Variants in CHRDL2 observed in about 807,000 individuals in gnomAD.
The protein encoded by CHRDL2 is chordin like 2.
In CHRDL2, 41 loss-of-function variants were observed where a neutral mutation model predicts 54.3. The ratio of observed to expected loss-of-function variants is 0.76; its 90% confidence interval spans 0.59 to 0.98. CHRDL2 has a LOEUF of 0.98. Ranked by LOEUF, CHRDL2 falls within the 50% of genes least tolerant of loss-of-function variation. The probability of loss-of-function intolerance (pLI) is 0.00; values close to 1 mark genes in which losing one functional copy is unlikely to be tolerated. For synonymous variants in CHRDL2, 220 were observed against 224.3 expected, an observed-to-expected ratio of 0.98 and a Z score of 0.17; for missense variants, 518 against 562.4, an observed-to-expected ratio of 0.92 and a Z score of 0.80.
At chr11:74,723,121 T>C (rs991670995) in intron 1 of CHRDL2, among the ~76,000 whole-genome samples, 3 of 152,066 alleles carry the variant, frequency 2.0e-5, no homozygotes, top group Non-Finnish European at 2.9e-5. Flanking sequence ...TGGACCAAGA[T>C]GGAAGCTGTG....
intron 1 of CHRDL2, among the ~76,000 whole-genome samples, chr11:74,729,962 A>AT (rs1311239690): frequency 8.6e-5 from 13 of 152,040 alleles, no homozygotes; most frequent in East Asian, 7.7e-4. Flanking sequence ...TTGGGAACTG[A>AT]TTTTTTTTGG....
In CHRDL2 at chr11:74,703,341, C is replaced by T. The variant is rs144140395; in HGVS notation, c.910G>A (p.Glu304Lys). The T allele has an allele frequency of 1.5e-4, 244 of 1,611,580 alleles. No homozygotes were observed. The African/African-American group carries it at 2.7e-3, about 18-fold the overall frequency. Residue 304 changes from glutamate (E) to lysine (K), a missense_variant, in exon 8 of 11, where the codon GAG becomes AAG. Transcript: ENST00000376332. ...TTGCAGCACTTCCCAGCCACTTTCT[C>T]GGGGTGACGGCAGGGGTACTCGGTG... ...CPTEYPCRHP[E>K]KVAGKCCKIC... is the part of the protein sequence containing the mutation.
At chr11:74,724,848 A>C (rs952076283) in intron 1 of CHRDL2, among the ~76,000 whole-genome samples, 3 of 152,204 alleles carry the variant, frequency 2.0e-5, no homozygotes, top group African/African-American at 7.2e-5. Context: ...CAAGGACCAG[A>C]TCTCATTAAA....
chr11:74,710,624 T>C (rs767115931), intron 4 of CHRDL2, among the ~76,000 whole-genome samples: 2 of 143,764 alleles, frequency 1.4e-5, no homozygotes, highest in Non-Finnish European at 2.9e-5. Flanking sequence ...ATGCAGCGTC[T>C]ACTGGGGGAA....
At chr11:74,697,365 G>A (rs2033635052) in intron 9 of CHRDL2, 68 bp from the exon 10 acceptor site, 1 of 1,171,714 alleles carries the variant, frequency 8.5e-7, no homozygotes, top group African/African-American at 1.5e-5. Context: ...GTGAAACAGG[G>A]TGACTTAGCA....
At chr11:74,720,388 A>G (rs1182944689) in intron 1 of CHRDL2, 2 of 154,014 alleles carry the variant, frequency 1.3e-5, no homozygotes, top group Non-Finnish European at 2.9e-5. Context: ...CCACTTGCCT[A>G]AAGTCCTCCG....
intron 2 of CHRDL2, among the ~76,000 whole-genome samples, chr11:74,715,806 C>T (rs764166623): frequency 1.3e-5 from 2 of 151,314 alleles, no homozygotes; most frequent in South Asian, 2.1e-4. Context: ...TGGTAAAACC[C>T]GTTTCTACTA....
chr11:74,716,344 G>A (rs556714723), intron 2 of CHRDL2, among the ~76,000 whole-genome samples: 9 of 152,074 alleles, frequency 5.9e-5, no homozygotes, highest in African/African-American at 2.2e-4. Context: ...AGATCATCCT[G>A]GCCAACATGG....
intron 9 of CHRDL2, among the ~76,000 whole-genome samples, chr11:74,702,253 A>C (rs1591350147): frequency 1.0e-4 from 1 of 9,658 alleles, no homozygotes; most frequent in Non-Finnish European, 2.1e-4. Flanking sequence ...ACCCTGTCTC[A>C]AAAAAAAAAA....
chr11:74,708,436 A>C, intron 4 of CHRDL2, 41 bp from the exon 5 acceptor site: 1 of 1,442,322 alleles, frequency 6.9e-7, no homozygotes, highest in Non-Finnish European at 9.4e-7. Context: ...GAGCTCTGAT[A>C]AGGGCTAGCC....
intron 1 of CHRDL2, among the ~76,000 whole-genome samples, chr11:74,727,176 G>A (rs1348677201): frequency 1.3e-5 from 2 of 152,192 alleles, no homozygotes; most frequent in Admixed American, 6.5e-5. Context: ...CTTTACAGGG[G>A]AGAAAACTGA....
chr11:74,710,793 G>C, intron 4 of CHRDL2, 56 bp downstream of exon 4: 1 of 1,589,424 alleles, frequency 6.3e-7, no homozygotes, highest in Non-Finnish European at 8.6e-7. Flanking sequence ...AGGCTACTAT[G>C]TTCTTTGCAG....
intron 1 of CHRDL2, among the ~76,000 whole-genome samples, chr11:74,727,619 G>T (rs187258139): frequency 2.9e-3 from 434 of 152,050 alleles, no homozygotes; most frequent in Non-Finnish European, 4.5e-3. Context: ...TTCTCAGGCT[G>T]GTCTCAAACT....
At chr11:74,701,852 C>T (rs1485835122) in intron 9 of CHRDL2, among the ~76,000 whole-genome samples, 1 of 151,512 alleles carries the variant, frequency 6.6e-6, no homozygotes, top group Non-Finnish European at 1.5e-5. Flanking sequence ...AGAGCTAATT[C>T]ACACTTAAAA....
chr11:74,714,251 G>A (rs1450596121), intron 2 of CHRDL2, among the ~76,000 whole-genome samples: 3 of 152,202 alleles, frequency 2.0e-5, no homozygotes, highest in African/African-American at 2.4e-5. Flanking sequence ...CTGTGTCACC[G>A]ATTCAACCAC....
chr11:74,718,286 C>A (rs1353543791), intron 2 of CHRDL2, among the ~76,000 whole-genome samples: 1 of 152,152 alleles, frequency 6.6e-6, no homozygotes, highest in Non-Finnish European at 1.5e-5. Context: ...TTGAGCAAAT[C>A]CTTGAGGAAC....
In CHRDL2 at chr11:74,730,845, G is replaced by C. The variant is rs573320094; in HGVS notation, c.44C>G (p.Ala15Gly). The part of the protein sequence containing the change: ...VRVLSSLLGL[A>G]LLWFPLDSHA... Reference sequence around the variant, plus strand: ...GGAGTCCAGGGGGAACCAGAGCAGCGCGAGTCCCAGCAAGGAGGAGAGGAC... The same window carrying C: ...GGAGTCCAGGGGGAACCAGAGCAGCCCGAGTCCCAGCAAGGAGGAGAGGAC... Residue 15 changes from alanine (A) to glycine (G), a missense_variant, in exon 1 of 11, where the codon GCG becomes GGG. Coordinates refer to ENST00000376332, the MANE Select transcript of CHRDL2 (RefSeq NM_001278473.3). 4 of 1,612,896 alleles carry C rather than the reference G, an allele frequency of 2.5e-6. No individual in the cohort carries two copies. In the African/African-American group the frequency reaches 5.3e-5, roughly 21 times the overall value.
At chr11:74,709,753 C>A (rs2034125043) in intron 4 of CHRDL2, among the ~76,000 whole-genome samples, 1 of 152,158 alleles carries the variant, frequency 6.6e-6, no homozygotes, top group Non-Finnish European at 1.5e-5. Flanking sequence ...GGAGATCAAA[C>A]ACAGGTTTCT....
chr11:74,701,751 GTTA>G (rs1565147826), intron 9 of CHRDL2: 2 of 542,858 alleles, frequency 3.7e-6, no homozygotes, highest in Non-Finnish European at 6.7e-6. Flanking sequence ...ACACACATTG[GTTA>G]TTATTATCAT....
Sources: gnomAD v4.1 joint callset for allele counts (sites outside exome capture counted in the v4.1 genomes callset) on GRCh38, gnomAD v4.1.1 for gene constraint, MANE v1.5 for transcripts, NCBI Gene and HGNC (gene_info 2026-07-23, HGNC 2026-07-21) for gene names.